The following WARS2 variants were observed in gnomAD, a reference collection of about 807,000 sequenced individuals.
The protein encoded by WARS2 is tryptophanyl tRNA synthetase 2, mitochondrial.
A neutral mutation model predicts 36.5 loss-of-function variants in WARS2; 28 were observed. The observed-to-expected ratio is 0.77, with a 90% confidence interval of 0.57 to 1.05. The LOEUF is 1.05. Among genes scored for constraint, WARS2 ranks in the 50% least tolerant of loss-of-function variants. WARS2 has a pLI of 0.00. For missense variants in WARS2, 435 were observed against 456.8 expected, an observed-to-expected ratio of 0.95 and a Z score of 0.44; for synonymous variants, 174 against 178.4, an observed-to-expected ratio of 0.98 and a Z score of 0.20.
At chr1:119,116,296 C>T (rs1654966607) in intron 1 of WARS2, among the ~76,000 whole-genome samples, 1 of 152,086 alleles carries the variant, frequency 6.6e-6, no homozygotes, top group African/African-American at 2.4e-5. Context: ...AATACGTTTA[C>T]CTTCCAGGTT....
intron 1 of WARS2, among the ~76,000 whole-genome samples, chr1:119,133,777 T>G (rs1029929220): frequency 6.6e-6 from 1 of 152,116 alleles, no homozygotes; most frequent in South Asian, 2.1e-4. Flanking sequence ...AGGATAACAG[T>G]CACTGAAGTA....
At chr1:119,091,836 G>A (rs1319516347) in intron 1 of WARS2, among the ~76,000 whole-genome samples, 1 of 152,170 alleles carries the variant, frequency 6.6e-6, no homozygotes, top group Non-Finnish European at 1.5e-5. Context: ...TGTCGGCCTG[G>A]GAGCAGAGAC....
At chr1:119,131,963 A>G (rs1656148699) in intron 1 of WARS2, among the ~76,000 whole-genome samples, 3 of 152,066 alleles carry the variant, frequency 2.0e-5, no homozygotes, top group Non-Finnish European at 4.4e-5. Flanking sequence ...TAAGAGTAAA[A>G]GAGAGAAAGG....
Position 119,042,988 on chromosome 1 carries a change from A to G in WARS2, c.430-639T>C, listed in dbSNP as rs186491821. ...TGAGCAGTACAGGTTGTATAGACCA[A>G]AACAGTTCCTTAATGGAGAAGTTGA... On this transcript the variant is annotated intron_variant, in intron 3 of 5. Transcript: ENST00000235521. Among the ~76,000 whole-genome samples, 2 of 152,346 alleles carry G rather than the reference A, an allele frequency of 1.3e-5. 1 individual carries two copies. Among genetic ancestry groups the G allele is most frequent in the Admixed American group, 1.3e-4 (2 of 15,304 alleles).
chr1:119,062,630 G>A (rs1244929878), intron 2 of WARS2, among the ~76,000 whole-genome samples: 1 of 152,166 alleles, frequency 6.6e-6, no homozygotes, highest in East Asian at 1.9e-4. Flanking sequence ...GGGACCCAAA[G>A]GGAGGTAATT....
chr1:119,140,237 T>C (rs1656847287), intron 1 of WARS2: 1 of 268,070 alleles, frequency 3.7e-6, no homozygotes, highest in Non-Finnish European at 7.1e-6. Flanking sequence ...ACAACCCGTC[T>C]CTGAAAACAT....
chr1:119,128,129 C>CA (rs1187151227), intron 1 of WARS2, among the ~76,000 whole-genome samples: 2 of 152,024 alleles, frequency 1.3e-5, no homozygotes, highest in African/African-American at 4.8e-5. Context: ...GGCTGGAGTG[C>CA]AGTGGTGCAA....
chr1:119,091,522 A>G (rs1182136663), intron 1 of WARS2, among the ~76,000 whole-genome samples: 1 of 152,192 alleles, frequency 6.6e-6, no homozygotes, highest in African/African-American at 2.4e-5. Context: ...CCTTTGATTC[A>G]CTAGAATGTA....
At chr1:119,100,015 C>T (rs189144691) in intron 1 of WARS2, among the ~76,000 whole-genome samples, 23 of 152,264 alleles carry the variant, frequency 1.5e-4, no homozygotes, top group African/African-American at 5.1e-4. Flanking sequence ...GAATAGACAC[C>T]TGTTGAATGG....
intron 1 of WARS2, among the ~76,000 whole-genome samples, chr1:119,096,628 C>A (rs914229439): frequency 6.6e-5 from 10 of 152,068 alleles, no homozygotes; most frequent in East Asian, 3.8e-4. Flanking sequence ...CCTCCTTCCC[C>A]AACTGGAAAT....
chr1:119,036,081 G>GT (rs1477044497), intron 4 of WARS2, among the ~76,000 whole-genome samples: 1 of 152,176 alleles, frequency 6.6e-6, no homozygotes, highest in Non-Finnish European at 1.5e-5. Context: ...GTGCATGCCT[G>GT]TAATCCCAGG....
chr1:119,104,841 C>T (rs968204701), intron 1 of WARS2, among the ~76,000 whole-genome samples: 12 of 150,164 alleles, frequency 8.0e-5, no homozygotes, highest in African/African-American at 2.0e-4. Context: ...GATCACAGGA[C>T]GAAGAGCAGC....
At chr1:119,094,302 T>G (rs587752031) in intron 1 of WARS2, among the ~76,000 whole-genome samples, 154 of 152,314 alleles carry the variant, frequency 1.0e-3, no homozygotes, top group East Asian at 4.0e-3. Context: ...GTATACCATT[T>G]TCCAGATGAA....
intron 1 of WARS2, among the ~76,000 whole-genome samples, chr1:119,083,744 T>G (rs1471325333): frequency 3.3e-5 from 5 of 152,312 alleles, no homozygotes; most frequent in Middle Eastern, 3.4e-3. Context: ...GGCAAGTCTT[T>G]TTTTGTCTTA....
chr1:119,074,006 C>T (rs1651526953), intron 2 of WARS2, among the ~76,000 whole-genome samples: 1 of 152,122 alleles, frequency 6.6e-6, no homozygotes, highest in Non-Finnish European at 1.5e-5. Context: ...CATTCATCTA[C>T]AAGAAGTATG....
chr1:119,102,305 G>A (rs755242655), intron 1 of WARS2, among the ~76,000 whole-genome samples: 5 of 152,144 alleles, frequency 3.3e-5, no homozygotes, highest in East Asian at 1.9e-4. Context: ...TTAAATCTCC[G>A]TCTGCTTAAG....
At chr1:119,038,318 C>T (rs919882464) in intron 4 of WARS2, among the ~76,000 whole-genome samples, 2 of 152,200 alleles carry the variant, frequency 1.3e-5, no homozygotes, top group African/African-American at 4.8e-5. Flanking sequence ...AATCCAGGCT[C>T]AACCGGCCTC....
chr1:119,126,504 G>T (rs1655668730), intron 1 of WARS2: 7 of 463,250 alleles, frequency 1.5e-5, no homozygotes, highest in Middle Eastern at 6.2e-4. Context: ...TTCACAAATA[G>T]GACTTTTTAT....
intron 2 of WARS2, chr1:119,047,643 T>C (rs1648971514): frequency 6.6e-6 from 1 of 152,218 alleles, no homozygotes; most frequent in South Asian, 2.1e-4. Flanking sequence ...AAGGGTAGGA[T>C]ACTTCAGGAT....
Sources: allele counts gnomAD v4.1 joint callset (sites outside exome capture counted in the v4.1 genomes callset), GRCh38; gene constraint gnomAD v4.1.1; transcripts MANE v1.5; gene names NCBI Gene and HGNC (gene_info 2026-07-23, HGNC 2026-07-21).